Variants in ZDHHC3 observed in about 807,000 individuals in gnomAD.
ZDHHC3 encodes palmitoyltransferase ZDHHC3.
Under a neutral mutation model 30.6 loss-of-function variants are expected in ZDHHC3, and 9 were observed. That is an observed-to-expected ratio of 0.29 (90% CI 0.18 to 0.51). The LOEUF (loss-of-function observed/expected upper bound fraction) is 0.51, where lower values mean the gene tolerates loss of function less well. Ranked by LOEUF, ZDHHC3 falls within the 20% of genes least tolerant of loss-of-function variation. ZDHHC3 has a pLI of 0.97. For synonymous variants in ZDHHC3, 136 were observed against 140.2 expected, an observed-to-expected ratio of 0.97 and a Z score of 0.21; for missense variants, 246 against 384.2, an observed-to-expected ratio of 0.64 and a Z score of 3.01.
At position 44,924,292 on chromosome 3, in the gene ZDHHC3, C is replaced by G; in HGVS notation, c.*2397G>C. On this transcript the variant is annotated 3_prime_UTR_variant, in exon 7 of 7. Transcript: ENST00000424952. The stretch of plus-strand genomic sequence containing the variant: ...GCCAGGCTGGGAACCAATCACTACC[C>G]TGCAAATGATGGCTACATTCCTCAG... The G allele has an allele frequency of 2.0e-6, 2 of 985,462 alleles. No homozygotes were observed. The highest frequency in any genetic ancestry group is 2.4e-6 in the Non-Finnish European group (2 of 829,946). The allele number at this position is 985,462 out of a possible 1,614,324, so 61.0% of individuals were successfully genotyped here. A position where few individuals can be genotyped will look rare whatever the true frequency, so the allele number is the denominator to read the frequency against.
At chr3:44,941,245 T>A (rs1359871245) in intron 3 of ZDHHC3, among the ~76,000 whole-genome samples, 2 of 152,180 alleles carry the variant, frequency 1.3e-5, no homozygotes, top group Non-Finnish European at 2.9e-5. Flanking sequence ...CCTCACTGGC[T>A]ATGACTAAAA....
intron 2 of ZDHHC3, among the ~76,000 whole-genome samples, chr3:44,950,140 T>G (rs1703314188): frequency 6.6e-6 from 1 of 152,228 alleles, no homozygotes; most frequent in African/African-American, 2.4e-5. Flanking sequence ...CCCAGCTGTG[T>G]TCTCTTTCAT....
chr3:44,926,650 G>A lies in ZDHHC3; in HGVS notation c.*39C>T. On this transcript the variant is annotated 3_prime_UTR_variant, in exon 7 of 7. Transcript: ENST00000424952. ...ACGGATGGGACGGTAGTGCTGTGGT[G>A]TGGACTTGTGTCTGAGTGGCCATGC... The A allele has an allele frequency of 6.5e-7, 1 of 1,548,628 alleles. No individual in the cohort carries two copies. Among genetic ancestry groups the A allele is most frequent in the Non-Finnish European group, 8.7e-7 (1 of 1,150,716 alleles).
intron 2 of ZDHHC3, among the ~76,000 whole-genome samples, chr3:44,949,360 A>T (rs1703233850): frequency 6.6e-6 from 1 of 152,224 alleles, no homozygotes; most frequent in South Asian, 2.1e-4. Context: ...GTGGTGGTAC[A>T]TGTCTGTAAT....
intron 1 of ZDHHC3, among the ~76,000 whole-genome samples, chr3:44,967,692 A>C (rs767467898): frequency 9.9e-5 from 15 of 152,222 alleles, no homozygotes; most frequent in Non-Finnish European, 1.5e-4. Flanking sequence ...AATTGAGACA[A>C]GTTTAAAACA....
At chr3:44,963,840 A>G (rs544973979) in intron 1 of ZDHHC3, among the ~76,000 whole-genome samples, 27 of 152,238 alleles carry the variant, frequency 1.8e-4, no homozygotes, top group Admixed American at 3.3e-4. Flanking sequence ...CCCTTGCCCT[A>G]TTTGGTCTCT....
chr3:44,940,227 C>G (rs545134943), intron 3 of ZDHHC3, among the ~76,000 whole-genome samples: 2 of 151,766 alleles, frequency 1.3e-5, no homozygotes, highest in Non-Finnish European at 2.9e-5. Context: ...CTTTTCCCAG[C>G]CCCCACTGCA....
At chr3:44,955,452 G>A (rs892182350) in intron 2 of ZDHHC3, among the ~76,000 whole-genome samples, 1 of 108,528 alleles carries the variant, frequency 9.2e-6, no homozygotes, top group South Asian at 3.8e-4. Context: ...GAGACCACAA[G>A]GTTTTTATAT....
chr3:44,965,195 G>A (rs1044517429), intron 1 of ZDHHC3, among the ~76,000 whole-genome samples: 4 of 152,160 alleles, frequency 2.6e-5, no homozygotes, highest in Non-Finnish European at 5.9e-5. Flanking sequence ...TATTCTAAAA[G>A]CAACAACAAA....
chr3:44,957,831 G>T (rs1291395202), intron 2 of ZDHHC3, among the ~76,000 whole-genome samples: 1 of 152,176 alleles, frequency 6.6e-6, no homozygotes, highest in Non-Finnish European at 1.5e-5. Flanking sequence ...CTAGACAGAG[G>T]GCATCTTGAG....
chr3:44,926,802 T>G lies in ZDHHC3; in HGVS notation c.787A>C (p.Thr263Pro). Residue 263 changes from threonine (T) to proline (P), a missense_variant, in exon 7 of 7, where the codon ACA becomes CCA. Coordinates refer to ENST00000424952, the MANE Select transcript of ZDHHC3 (RefSeq NM_001135179.2). ...ACGGCTTTCATGTTCATCCATTTTG[T>G]TTTTTTAGCCCATCTTCTCTCTTCC... Reference protein sequence around the residue: ...KKEERRWAKKTKWMNMKAVFG... With the variant: ...KKEERRWAKKPKWMNMKAVFG... The G allele has an allele frequency of 6.2e-7, 1 of 1,613,124 alleles. No individual in the cohort carries two copies. Among genetic ancestry groups the G allele is most frequent in the Non-Finnish European group, 8.5e-7 (1 of 1,179,726 alleles).
Position 44,919,647 on chromosome 3 carries a change from AG to A in ZDHHC3, c.*7041del, listed in dbSNP as rs1700456078. On this transcript the variant is annotated 3_prime_UTR_variant, in exon 7 of 7. Coordinates refer to ENST00000424952, the MANE Select transcript of ZDHHC3 (RefSeq NM_001135179.2). ...GCAGTGTGGGATCCTGGAACAGAAA[AG>A]GGTGTTAATGGGACAACTGGAGAAA... is the stretch of plus-strand genomic sequence containing the variant. 6.6e-6 allele frequency among the ~76,000 whole-genome samples: 1 copy of A among 152,234 alleles called. No homozygotes were observed. Among genetic ancestry groups the A allele is most frequent in the Admixed American group, 6.5e-5 (1 of 15,286 alleles).
intron 1 of ZDHHC3, among the ~76,000 whole-genome samples, chr3:44,963,309 G>C (rs1704639387): frequency 6.6e-6 from 1 of 152,136 alleles, no homozygotes; most frequent in East Asian, 1.9e-4. Flanking sequence ...ACCTGGCAGG[G>C]CCAGACACCA....
In ZDHHC3 at chr3:44,959,367, A is replaced by G; in HGVS notation, c.70T>C (p.Cys24Arg). Residue 24 changes from cysteine to arginine, a missense_variant, in exon 2 of 7, where the codon TGT (cysteine) becomes CGT (arginine). By Grantham distance (180) the Cys-to-Arg change is radical (BLOSUM62 -3). Coordinates refer to ENST00000424952, the MANE Select transcript of ZDHHC3 (RefSeq NM_001135179.2). This position sits in a 1 kb window ranked among gnomAD's most constrained non-coding sequence, Gnocchi z 4.3. ...RKPEYLQPEK[C>R]VPPPYPGPVG... is the part of the protein sequence containing the mutation. ...GGACCAGGGTAGGGGGGTGGGACAC[A>G]CTTCTCTGGCTGGAGGTATTCTGGT... 6.2e-7 allele frequency: 1 copy of G among 1,614,208 alleles called. No individual in the cohort carries two copies. The highest frequency in any genetic ancestry group is 8.5e-7 in the Non-Finnish European group (1 of 1,180,040).
intron 1 of ZDHHC3, among the ~76,000 whole-genome samples, chr3:44,960,697 C>T (rs1035377152): frequency 6.6e-6 from 1 of 152,218 alleles, no homozygotes; most frequent in Non-Finnish European, 1.5e-5. Flanking sequence ...ATAGCACAGG[C>T]TACAACACAG....
chr3:44,970,531 C>A (rs1385537429), intron 1 of ZDHHC3, among the ~76,000 whole-genome samples: 1 of 152,262 alleles, frequency 6.6e-6, no homozygotes, highest in Non-Finnish European at 1.5e-5. Context: ...CCTTGCAGGG[C>A]TGAGATTCTA....
At chr3:44,954,213 G>C (rs544135232) in intron 2 of ZDHHC3, among the ~76,000 whole-genome samples, 1 of 152,254 alleles carries the variant, frequency 6.6e-6, no homozygotes, top group South Asian at 2.1e-4. Flanking sequence ...GGGTCGGGGT[G>C]GGGGAGCAGG....
intron 1 of ZDHHC3, among the ~76,000 whole-genome samples, chr3:44,970,084 G>A (rs183822170): frequency 1.4e-4 from 22 of 152,306 alleles, no homozygotes; most frequent in African/African-American, 4.1e-4. Context: ...AGAGAAATCC[G>A]AAAGACTAGC....
intron 2 of ZDHHC3, among the ~76,000 whole-genome samples, chr3:44,951,680 T>A (rs991175918): frequency 6.6e-6 from 1 of 152,154 alleles, no homozygotes; most frequent in Non-Finnish European, 1.5e-5. Context: ...TGCCCTTTCA[T>A]AGCTAAGCTG....
Sources: allele counts gnomAD v4.1 joint callset (sites outside exome capture counted in the v4.1 genomes callset), GRCh38; gene constraint gnomAD v4.1.1; non-coding constraint Gnocchi (gnomAD v3.1); transcripts MANE v1.5; gene names NCBI Gene and HGNC (gene_info 2026-07-23, HGNC 2026-07-21).